The following CSF1R variants were observed in gnomAD, a reference collection of about 807,000 sequenced individuals.
CSF1R encodes the protein colony stimulating factor 1 receptor, also known as macrophage colony-stimulating factor 1 receptor.
A neutral mutation model predicts 110.0 loss-of-function variants in CSF1R; 40 were observed. That is an observed-to-expected ratio of 0.36 (90% CI 0.28 to 0.47). CSF1R has a LOEUF of 0.47. Among genes scored for constraint, CSF1R ranks in the 20% least tolerant of loss-of-function variants. The pLI is 0.99. For missense variants in CSF1R, 1,052 were observed against 1,253.0 expected, an observed-to-expected ratio of 0.84 and a Z score of 2.42; for synonymous variants, 523 against 503.4, an observed-to-expected ratio of 1.04 and a Z score of -0.52.
At chr5:150,099,198 G>A (rs1396986628) in intron 1 of CSF1R, among the ~76,000 whole-genome samples, 5 of 151,654 alleles carry the variant, frequency 3.3e-5, no homozygotes, top group Non-Finnish European at 5.9e-5. Context: ...GTGAGCCACC[G>A]TGCCTGGCCA....
Position 150,080,187 on chromosome 5 carries a change from T to G in CSF1R, c.457A>C (p.Asn153His), listed in dbSNP as rs144404275. 3.7e-4 allele frequency: 591 copies of G among 1,613,794 alleles called. No homozygotes were observed. In the African/African-American group the frequency reaches 6.5e-3, roughly 18 times the overall value. ...CCATGCCAGGGCGAGAAGGAGTAGT[T>G]GGTGTGGCGCATGAGGGGCCGGCCA... ...VRGRPLMRHT[N>H]YSFSPWHGFT... The change falls in exon 3 of 21, where the codon AAC (asparagine) becomes CAC (histidine). Residue 153 changes from asparagine to histidine, a missense_variant. By Grantham distance (68) the Asn-to-His change is moderately conservative. This residue lies in a region of CSF1R where 693 missense variants were observed against 735.4 expected (regional missense o/e 0.94). Coordinates refer to ENST00000675795, the MANE Select transcript of CSF1R (RefSeq NM_001288705.3).
chr5:150,067,512 G>A (rs1757825264), intron 10 of CSF1R, among the ~76,000 whole-genome samples: 1 of 152,156 alleles, frequency 6.6e-6, no homozygotes, highest in South Asian at 2.1e-4. Flanking sequence ...ACATGCTATA[G>A]AAAAATGCCC....
intron 10 of CSF1R, among the ~76,000 whole-genome samples, chr5:150,066,524 A>C (rs1443811542): frequency 6.6e-6 from 1 of 152,206 alleles, no homozygotes; most frequent in Non-Finnish European, 1.5e-5. Flanking sequence ...TAAGGCCCAG[A>C]GAGGACAGCG....
intron 1 of CSF1R, among the ~76,000 whole-genome samples, chr5:150,081,828 GA>G (rs948294255): frequency 2.5e-4 from 38 of 152,210 alleles, no homozygotes; most frequent in Non-Finnish European, 3.8e-4. Context: ...TCTTGAAGGA[GA>G]AAAGAGAACT....
At position 150,083,626 on chromosome 5, in the gene CSF1R, C is replaced by T. The variant is rs371123416; in HGVS notation, c.50-2602G>A. 2.6e-5 allele frequency among the ~76,000 whole-genome samples: 4 copies of T among 152,202 alleles called. No homozygotes were observed. The East Asian group carries it at 5.8e-4, about 22-fold the overall frequency. On this transcript the variant is annotated intron_variant, in intron 1 of 20. Coordinates refer to ENST00000675795, the MANE Select transcript of CSF1R (RefSeq NM_001288705.3). ...GACCCTGGAAAACCATCTGGCCCCCCTCCCACACACCATGCCCCTGTGAAG... is the reference window on the plus strand; with the variant it reads ...GACCCTGGAAAACCATCTGGCCCCCTTCCCACACACCATGCCCCTGTGAAG...
In CSF1R at chr5:150,083,349, A is replaced by AACACACACACAC. The variant is rs59055324; in HGVS notation, c.50-2337_50-2326dup. ...GCCCCAATCTCTACTCTTCTCTCCC[A>AACACACACACAC]ACACACACACACACACACACACACA... is the stretch of plus-strand genomic sequence containing the variant. On this transcript the variant is annotated intron_variant, in intron 1 of 20. Transcript: ENST00000675795. Among the ~76,000 whole-genome samples the AACACACACACAC allele has an allele frequency of 2.1e-3, 223 of 106,368 alleles. 2 individuals carry two copies. The highest frequency in any genetic ancestry group is 6.1e-3 in the African/African-American group (164 of 26,978). 69.8% of individuals were successfully genotyped at this position (106,368 alleles called of 152,430 possible). A position where few individuals can be genotyped will look rare whatever the true frequency, so the allele number is the denominator to read the frequency against.
intron 9 of CSF1R, among the ~76,000 whole-genome samples, chr5:150,068,683 C>T (rs564737841): frequency 1.3e-5 from 2 of 152,318 alleles, no homozygotes; most frequent in South Asian, 2.1e-4. Flanking sequence ...GCATGCACTA[C>T]ACCTCCAGGA....
intron 7 of CSF1R, 34 bp downstream of exon 7, chr5:150,070,422 T>A: frequency 6.4e-7 from 1 of 1,557,378 alleles, no homozygotes; most frequent in Non-Finnish European, 8.7e-7. Flanking sequence ...TCCCAGGGCC[T>A]CCGCCCCAGG....
intron 14 of CSF1R, among the ~76,000 whole-genome samples, chr5:150,059,035 A>C (rs1049027918): frequency 9.9e-5 from 15 of 151,690 alleles, no homozygotes; most frequent in African/African-American, 3.7e-4. Context: ...CAGCAACAGG[A>C]CAACAGAGCC....
chr5:150,102,277 C>T (rs975587119), intron 1 of CSF1R, among the ~76,000 whole-genome samples: 1 of 152,116 alleles, frequency 6.6e-6, no homozygotes, highest in Admixed American at 6.5e-5. Context: ...GCAGCATCAC[C>T]GTACACTTGC....
intron 1 of CSF1R, among the ~76,000 whole-genome samples, chr5:150,099,148 T>TCTGC (rs1469676930): frequency 2.6e-5 from 4 of 151,252 alleles, no homozygotes; most frequent in African/African-American, 9.7e-5. Flanking sequence ...CCTCAGATGA[T>TCTGC]CTGCCCACCT....
At chr5:150,065,000 A>T (rs987059625) in intron 10 of CSF1R, among the ~76,000 whole-genome samples, 2 of 152,190 alleles carry the variant, frequency 1.3e-5, no homozygotes, top group African/African-American at 2.4e-5. Context: ...CTCCCTGAGA[A>T]GGGTGGACGT....
intron 1 of CSF1R, among the ~76,000 whole-genome samples, chr5:150,108,821 G>T (rs1759625389): frequency 1.3e-5 from 2 of 152,136 alleles, no homozygotes; most frequent in African/African-American, 2.4e-5. Flanking sequence ...GCAGGTGGGG[G>T]GTGGGAGCTG....
At chr5:150,093,005 G>T (rs915979116) in intron 1 of CSF1R, among the ~76,000 whole-genome samples, 1 of 152,088 alleles carries the variant, frequency 6.6e-6, no homozygotes, top group African/African-American at 2.4e-5. Flanking sequence ...CAATAAGGGG[G>T]AACTACTGCA....
At chr5:150,085,491 T>C (rs1219869942) in intron 1 of CSF1R, among the ~76,000 whole-genome samples, 1 of 152,010 alleles carries the variant, frequency 6.6e-6, no homozygotes, top group Admixed American at 6.5e-5. Flanking sequence ...AGAAATGTGT[T>C]TGTTGGGCCA....
At position 150,070,579 on chromosome 5, in the gene CSF1R, A is replaced by G. The variant is rs41428145; in HGVS notation, c.1083-8T>C. 2,707 of 1,507,656 alleles carry G rather than the reference A, an allele frequency of 1.8e-3. 54 individuals are homozygous for G. In the African/African-American group the frequency reaches 0.034, roughly 19 times the overall value. 93.4% of individuals were successfully genotyped at this position (1,507,656 alleles called of 1,614,324 possible). On this transcript the variant is annotated splice_polypyrimidine_tract_variant and splice_region_variant and intron_variant, in intron 6 of 20. Transcript: ENST00000675795. ...GAGAGGGTGAAGGTGTGCCTGCAGG[A>G]GAGAATCAGGTGGTGTTGGTGAGCC...
At chr5:150,057,202 G>A (rs573399610) in intron 16 of CSF1R, 85 bp downstream of exon 16, 39 of 1,200,028 alleles carry the variant, frequency 3.2e-5, no homozygotes, top group Middle Eastern at 2.8e-4. Context: ...ACAGGCTCCC[G>A]TTTCCTCCTC....
At position 150,061,521 on chromosome 5, in the gene CSF1R, C is replaced by T. The variant is rs775134173; in HGVS notation, c.1828G>A (p.Val610Ile). ...TAFGLGKEDA[V>I]LKVAVKMLKS... is the part of the protein sequence containing the mutation. Reference sequence around the variant, plus strand: ...AGCATCTTCACAGCCACCTTCAGGACAGCATCCTCCTTGCCCAGACCAAAG... The same window carrying T: ...AGCATCTTCACAGCCACCTTCAGGATAGCATCCTCCTTGCCCAGACCAAAG... Residue 610 changes from valine to isoleucine, a missense_variant, in exon 12 of 21, where the codon GTC becomes ATC. By Grantham distance (29) the Val-to-Ile change is conservative (BLOSUM62 3). Transcript: ENST00000675795. 2 of 1,591,172 alleles carry T rather than the reference C, an allele frequency of 1.3e-6. No individual in the cohort carries two copies. The highest frequency in any genetic ancestry group is 1.1e-5 in the South Asian group (1 of 90,758).
rs761591053 is a variant in CSF1R at position 150,054,113 on chromosome 5, T to C, written c.2875A>G (p.Ile959Val). ...EHLTCCEQGD[I>V]AQPLLQPNNY... ...TTGGGCTGCAGCAAGGGCTGGGCGA[T>C]ATCCCCTTGCTCGCAGCAGGTCAGG... Residue 959 changes from isoleucine (I) to valine (V), a missense_variant, in exon 21 of 21, where the codon ATC becomes GTC. Coordinates refer to ENST00000675795, the MANE Select transcript of CSF1R (RefSeq NM_001288705.3). 2 of 1,614,030 alleles carry C rather than the reference T, an allele frequency of 1.2e-6. No individual in the cohort carries two copies.
Sources: allele counts gnomAD v4.1 joint callset (sites outside exome capture counted in the v4.1 genomes callset), GRCh38; gene constraint gnomAD v4.1.1; regional missense constraint gnomAD v4.1.1; transcripts MANE v1.5; gene names NCBI Gene and HGNC (gene_info 2026-07-23, HGNC 2026-07-21).